The following MATK variants were observed in gnomAD, a reference collection of about 807,000 sequenced individuals.
MATK encodes the protein megakaryocyte-associated tyrosine-protein kinase.
A neutral mutation model predicts 59.8 loss-of-function variants in MATK; 41 were observed. That is an observed-to-expected ratio of 0.69 (90% CI 0.53 to 0.89). MATK has a LOEUF of 0.89. Among genes scored for constraint, MATK ranks in the 40% least tolerant of loss-of-function variants. MATK has a pLI of 0.00. For missense variants in MATK, 593 were observed against 719.6 expected (o/e 0.82, Z 2.01); for synonymous variants, 308 against 306.1 (o/e 1.01, Z -0.06).
At chr19:3,795,564 G>A (rs1473960755) in intron 1 of MATK, among the ~76,000 whole-genome samples, 3 of 151,116 alleles carry the variant, frequency 2.0e-5, no homozygotes, top group Non-Finnish European at 4.4e-5. Flanking sequence ...CACCATGCCC[G>A]GCCTCATATG....
upstream of MATK, chr19:3,787,515 A>C (rs970710178): frequency 2.0e-5 from 3 of 151,952 alleles, no homozygotes; most frequent in African/African-American, 7.3e-5. Flanking sequence ...AGCTGGGATT[A>C]CAGGTGCGTG....
chr19:3,788,044 C>T (rs566720246), upstream of MATK, among the ~76,000 whole-genome samples: 56 of 149,622 alleles, frequency 3.7e-4, no homozygotes, highest in Admixed American at 6.7e-4. Flanking sequence ...ACTACACGTG[C>T]ACACCATGGT....
At position 3,786,172 on chromosome 19, in the gene MATK, C is replaced by A. The variant is rs1220252416; in HGVS notation, c.-155G>T. The A allele has an allele frequency of 1.0e-6, 1 of 979,316 alleles. No homozygotes were observed. The highest frequency in any genetic ancestry group is 1.8e-5 in the African/African-American group (1 of 56,936). 60.7% of individuals were successfully genotyped at this position (979,316 alleles called of 1,614,324 possible). A position where few individuals can be genotyped will look rare whatever the true frequency, so the allele number is the denominator to read the frequency against. On this transcript the variant is annotated 5_prime_UTR_variant, in exon 1 of 14. Transcript: ENST00000310132. This position sits in a 1 kb window ranked among gnomAD's most constrained non-coding sequence, Gnocchi z 4.1. ...GTCTCCCCGCCGACGTGCTCACCTG[C>A]TCAGGGGGCGCCCCCGAGCCGCGCC...
intron 1 of MATK, among the ~76,000 whole-genome samples, chr19:3,791,557 G>T (rs1426823724): frequency 6.6e-6 from 1 of 151,840 alleles, no homozygotes; most frequent in Non-Finnish European, 1.5e-5. Flanking sequence ...TGGCCAGGCT[G>T]GTCTCGAACT....
At chr19:3,784,940 C>T in intron 2 of MATK, 56 bp from the exon 3 acceptor site, 1 of 1,424,564 alleles carries the variant, frequency 7.0e-7, no homozygotes, top group Non-Finnish European at 9.8e-7. Context: ...GGTCCAGTTC[C>T]TACCACTTCC....
In MATK at chr19:3,778,201, G is replaced by C. The variant is rs1296473043; in HGVS notation, c.1506C>G (p.Pro502=). 3 of 1,564,002 alleles carry C rather than the reference G, an allele frequency of 1.9e-6. No homozygotes were observed. ...SGQDADGSTS[P]RSQEP is the part of the protein sequence containing the mutation. ...GGTGGGGTCAGGGCTCCTGGCTTCGGGGCGAGGTGGAGCCGTCGGCGTCCT... is the reference window on the plus strand; with the variant it reads ...GGTGGGGTCAGGGCTCCTGGCTTCGCGGCGAGGTGGAGCCGTCGGCGTCCT... Residue 502 remains proline (P), a synonymous_variant, in exon 14 of 14, where the codon CCC becomes CCG. Transcript: ENST00000310132.
At chr19:3,790,617 C>G (rs1226466459), upstream of MATK, among the ~76,000 whole-genome samples, 5 of 152,194 alleles carry the variant, frequency 3.3e-5, no homozygotes, top group East Asian at 1.9e-4. Context: ...TTCTCCTCCT[C>G]CCTCCAAGAA....
intron 7 of MATK, among the ~76,000 whole-genome samples, chr19:3,782,450 G>A (rs1049604098): frequency 6.6e-6 from 1 of 152,210 alleles, no homozygotes; most frequent in Non-Finnish European, 1.5e-5. Flanking sequence ...ATTTGCTTTT[G>A]ACCTTAAATA....
intron 1 of MATK, among the ~76,000 whole-genome samples, chr19:3,791,968 C>T (rs1191672665): frequency 2.0e-5 from 3 of 152,124 alleles, no homozygotes; most frequent in Non-Finnish European, 2.9e-5. Flanking sequence ...ATTAGCTGGG[C>T]GTGGCGGCGG....
chr19:3,779,240 G>C (rs1201803813), intron 11 of MATK, 53 bp from the exon 12 acceptor site: 1 of 1,549,274 alleles, frequency 6.5e-7, no homozygotes, highest in African/African-American at 1.4e-5. Flanking sequence ...CCCACATTCA[G>C]GGCTCAGAAA....
intron 1 of MATK, among the ~76,000 whole-genome samples, chr19:3,795,463 GT>G (rs1342247126): frequency 2.0e-5 from 3 of 151,594 alleles, no homozygotes; most frequent in Non-Finnish European, 4.4e-5. Flanking sequence ...GTAGAGATGG[GT>G]TTCATGTTGG....
upstream of MATK, chr19:3,789,152 C>T (rs1352895878): frequency 5.1e-6 from 3 of 593,228 alleles, no homozygotes; most frequent in African/African-American, 3.7e-5. Context: ...CTGCAGCTGT[C>T]CTTCTGTCAC....
intron 7 of MATK, among the ~76,000 whole-genome samples, chr19:3,781,994 G>T (rs1214840540): frequency 1.3e-5 from 2 of 152,152 alleles, no homozygotes; most frequent in African/African-American, 4.8e-5. Flanking sequence ...TGCCCTCCAG[G>T]AACTCCCAGT....
At chr19:3,778,949 G>A in intron 12 of MATK, 43 bp downstream of exon 12, 1 of 1,497,740 alleles carries the variant, frequency 6.7e-7, no homozygotes. Context: ...AGCAGAGCTG[G>A]GGGGACCCCA....
chr19:3,789,255 G>A (rs758647376), upstream of MATK: 27 of 772,452 alleles, frequency 3.5e-5, no homozygotes, highest in Admixed American at 6.9e-5. Flanking sequence ...AAACCCAGCC[G>A]CCTAATTTGA....
intron 1 of MATK, among the ~76,000 whole-genome samples, chr19:3,798,467 A>G (rs1032585935): frequency 3.9e-5 from 6 of 152,148 alleles, no homozygotes; most frequent in Non-Finnish European, 8.8e-5. Context: ...AGAAGCCACA[A>G]GAGGTTAGAC....
At chr19:3,784,079 G>A in intron 5 of MATK, 45 bp downstream of exon 5, 2 of 1,588,938 alleles carry the variant, frequency 1.3e-6, no homozygotes, top group Non-Finnish European at 8.6e-7. Flanking sequence ...TGGAGGGGGG[G>A]TCACTTGCTG....
At chr19:3,780,378 T>A (rs1474451054) in intron 8 of MATK, among the ~76,000 whole-genome samples, 1 of 152,148 alleles carries the variant, frequency 6.6e-6, no homozygotes, top group East Asian at 1.9e-4. Flanking sequence ...CTATCACCTC[T>A]TTTTGCAAGA....
intron 1 of MATK, among the ~76,000 whole-genome samples, chr19:3,791,687 C>T (rs2037543206): frequency 6.6e-6 from 1 of 151,702 alleles, no homozygotes; most frequent in African/African-American, 2.4e-5. Context: ...TCTTTCCTAT[C>T]CAAATCTCAC....
Sources: gnomAD v4.1 joint callset for allele counts (sites outside exome capture counted in the v4.1 genomes callset) on GRCh38, gnomAD v4.1.1 for gene constraint, Gnocchi (gnomAD v3.1) non-coding constraint, MANE v1.5 for transcripts, NCBI Gene and HGNC (gene_info 2026-07-23, HGNC 2026-07-21) for gene names.